The following WWOX variants were observed in gnomAD, a reference collection of about 807,000 sequenced individuals.
WWOX encodes WW domain-containing oxidoreductase.
A neutral mutation model predicts 46.2 loss-of-function variants in WWOX; 69 were observed. The ratio of observed to expected loss-of-function variants is 1.49; its 90% CI spans 1.23 to 1.82. The LOEUF is 1.82. Ranked by LOEUF, WWOX falls within the 40% of genes most tolerant of loss-of-function variation. The pLI, the probability that WWOX is intolerant of heterozygous loss-of-function variation, is 0.00. For synonymous variants in WWOX, 359 were observed against 202.6 expected (o/e 1.77, Z -6.56); for missense variants, 919 against 542.6 (o/e 1.69, Z -6.89).
At chr16:79,036,653 CTG>C (rs1567505120) in intron 8 of WWOX, among the ~76,000 whole-genome samples, 2 of 152,150 alleles carry the variant, frequency 1.3e-5, no homozygotes, top group African/African-American at 4.8e-5. Context: ...CTCTGAAGCT[CTG>C]TTTTTGGAAG....
chr16:78,575,077 A>T lies in WWOX; in HGVS notation c.1056+142325A>T, dbSNP rs1359907547. Among the ~76,000 whole-genome samples the T allele has an allele frequency of 1.6e-4, 6 of 37,564 alleles. 1 individual carries two copies. The highest frequency in any genetic ancestry group is 1.6e-4 in the Non-Finnish European group (3 of 18,984). The allele number at this position is 37,564 out of a possible 152,430, so 24.6% of individuals were successfully genotyped here. On this transcript the variant is annotated intron_variant, in intron 8 of 8. Transcript: ENST00000566780. ...TATATATATATATATATATATATAT[A>T]TATATATATATATATATATTTAAAG...
intron 8 of WWOX, among the ~76,000 whole-genome samples, chr16:79,094,357 C>T (rs933474864): frequency 1.3e-5 from 2 of 151,438 alleles, no homozygotes; most frequent in African/African-American, 4.9e-5. Flanking sequence ...TCAAGCAATT[C>T]CCCTGCCTTA....
chr16:78,988,096 A>G (rs1369244189), intron 8 of WWOX, among the ~76,000 whole-genome samples: 3 of 152,154 alleles, frequency 2.0e-5, no homozygotes, highest in Admixed American at 6.5e-5. Flanking sequence ...TAATACCAGC[A>G]GTTTGGGAGG....
At chr16:78,284,053 T>G (rs866171314) in intron 5 of WWOX, among the ~76,000 whole-genome samples, 1 of 152,196 alleles carries the variant, frequency 6.6e-6, no homozygotes, top group Non-Finnish European at 1.5e-5. Context: ...CGTTAAAACA[T>G]TTTGTTAGCT....
At chr16:79,112,796 C>G (rs967363805) in intron 8 of WWOX, among the ~76,000 whole-genome samples, 9 of 152,064 alleles carry the variant, frequency 5.9e-5, no homozygotes, top group African/African-American at 2.2e-4. Flanking sequence ...CCTCGTTTTA[C>G]AGATGAGGAA....
At chr16:78,408,736 A>G (rs1394050095) in intron 6 of WWOX, among the ~76,000 whole-genome samples, 1 of 152,228 alleles carries the variant, frequency 6.6e-6, no homozygotes, top group Non-Finnish European at 1.5e-5. Context: ...TTGCAGATAA[A>G]GAGCAAGGGA....
At position 79,107,458 on chromosome 16, in the gene WWOX, CAAAGA is replaced by C. The variant is rs1039614676; in HGVS notation, c.1057-104137_1057-104133del. On this transcript the variant is annotated intron_variant, in intron 8 of 8. Coordinates refer to ENST00000566780, the MANE Select transcript of WWOX (RefSeq NM_016373.4). ...CTGTTTTTCCCAGTTATATCAATAACAAAGAAAAGAAAAGAAATCTACTCAGGGTC... is the reference window on the plus strand; with the variant it reads ...CTGTTTTTCCCAGTTATATCAATAACAAAGAAAAGAAATCTACTCAGGGTC... Among the ~76,000 whole-genome samples, 87 of 152,138 alleles carry C rather than the reference CAAAGA, an allele frequency of 5.7e-4. 1 individual carries two copies. The highest frequency in any genetic ancestry group is 2.0e-3 in the African/African-American group (81 of 41,456).
At chr16:78,266,788 T>TTCCCTCTCTCTCTCTCTCTC (rs2079370761) in intron 5 of WWOX, among the ~76,000 whole-genome samples, 1 of 115,532 alleles carries the variant, frequency 8.7e-6, no homozygotes, top group African/African-American at 3.2e-5. Context: ...TATTCTTCTA[T>TTCCCTCTCTCTCTCTCTCTC]TCTCTCTCTC....
Position 79,212,018 on chromosome 16 carries a change from CTT to C in WWOX, c.*224_*225del, listed in dbSNP as rs1165092120. The C allele has an allele frequency of 6.5e-7, 1 of 1,536,254 alleles. No individual in the cohort carries two copies. The highest frequency in any genetic ancestry group is 2.4e-5 in the East Asian group (1 of 40,920). ...CTGGGGCTGGGCTAGGCATAGGTCT[CTT>C]TGCTTTCTGGTGGTGGCCTGTTTGA... On this transcript the variant is annotated 3_prime_UTR_variant, in exon 9 of 9. Transcript: ENST00000566780.
intron 8 of WWOX, among the ~76,000 whole-genome samples, chr16:79,169,403 A>G (rs1348904475): frequency 6.6e-6 from 1 of 152,176 alleles, no homozygotes; most frequent in African/African-American, 2.4e-5. Context: ...AAGTTGGAGG[A>G]ACTTGGAGAA....
At chr16:79,166,152 C>T (rs898102758) in intron 8 of WWOX, among the ~76,000 whole-genome samples, 3 of 152,130 alleles carry the variant, frequency 2.0e-5, no homozygotes. Flanking sequence ...TTTAATAGTG[C>T]AAACAAATCA....
chr16:78,574,026 C>T (rs1466544261), intron 8 of WWOX, among the ~76,000 whole-genome samples: 2 of 152,156 alleles, frequency 1.3e-5, no homozygotes, highest in Non-Finnish European at 2.9e-5. Flanking sequence ...TCCCAAATCA[C>T]CCAGATTACT....
intron 8 of WWOX, among the ~76,000 whole-genome samples, chr16:78,508,511 C>G (rs900408556): frequency 6.6e-6 from 1 of 152,146 alleles, no homozygotes; most frequent in African/African-American, 2.4e-5. Context: ...GTTGGCCAGC[C>G]TGGCCTTGAT....
At chr16:78,541,473 CAAAAAAAAAAAAAAAAAAAAA>C (rs59900108) in intron 8 of WWOX, among the ~76,000 whole-genome samples, 1 of 45,146 alleles carries the variant, frequency 2.2e-5, no homozygotes, top group Admixed American at 4.2e-4. Context: ...GACTCCGTCT[CAAAAAAAAAAAAAAAAAAAAA>C]AAAAAAAAAA....
At chr16:78,864,471 G>T (rs1286215434) in intron 8 of WWOX, among the ~76,000 whole-genome samples, 1 of 151,946 alleles carries the variant, frequency 6.6e-6, no homozygotes, top group Non-Finnish European at 1.5e-5. Flanking sequence ...GTTTCTCCAT[G>T]TTGCCAAGGC....
intron 8 of WWOX, among the ~76,000 whole-genome samples, chr16:78,747,611 G>A (rs1039756783): frequency 2.6e-5 from 4 of 152,024 alleles, no homozygotes; most frequent in Non-Finnish European, 5.9e-5. Flanking sequence ...TGGTGGAGTC[G>A]AATTCAAACC....
intron 5 of WWOX, among the ~76,000 whole-genome samples, chr16:78,304,660 A>G (rs1018401033): frequency 1.3e-5 from 2 of 152,224 alleles, no homozygotes; most frequent in Non-Finnish European, 2.9e-5. Context: ...AATTTATTCA[A>G]GCATTCTTTG....
chr16:78,410,721 G>C (rs2082660199), intron 6 of WWOX, among the ~76,000 whole-genome samples: 1 of 149,682 alleles, frequency 6.7e-6, no homozygotes, highest in African/African-American at 2.5e-5. Flanking sequence ...CTGGAGAACA[G>C]CTTCAAAACA....
intron 8 of WWOX, among the ~76,000 whole-genome samples, chr16:78,579,544 T>G (rs2044994699): frequency 6.6e-6 from 1 of 152,078 alleles, no homozygotes; most frequent in African/African-American, 2.4e-5. Flanking sequence ...CTAGGTGAGG[T>G]GCTGTGGTGC....
Sources: gnomAD v4.1 joint callset for allele counts (sites outside exome capture counted in the v4.1 genomes callset) on GRCh38, gnomAD v4.1.1 for gene constraint, MANE v1.5 for transcripts, NCBI Gene and HGNC (gene_info 2026-07-23, HGNC 2026-07-21) for gene names.